Variants in EXD2 observed in about 807,000 individuals in gnomAD.
The protein encoded by EXD2 is exonuclease 3'-5' domain-containing protein 2.
EXD2 carries 40 observed loss-of-function variants against 62.5 expected under a neutral mutation model. The ratio of observed to expected loss-of-function variants is 0.64; its 90% CI spans 0.50 to 0.83. The LOEUF is 0.83. Ranked by LOEUF, EXD2 falls within the 40% of genes least tolerant of loss-of-function variation. The probability of loss-of-function intolerance (pLI) is 0.00; values close to 1 mark genes in which losing one functional copy is unlikely to be tolerated. For synonymous variants in EXD2, 239 were observed against 291.9 expected, an observed-to-expected ratio of 0.82 and a Z score of 1.85; for missense variants, 671 against 761.8, an observed-to-expected ratio of 0.88 and a Z score of 1.40.
chr14:69,223,264 A>G (rs2043247268), intron 3 of EXD2, among the ~76,000 whole-genome samples: 1 of 152,140 alleles, frequency 6.6e-6, no homozygotes, highest in African/African-American at 2.4e-5. Context: ...TTTCATATTC[A>G]CCTGCCTACT....
At chr14:69,225,270 A>G (rs970755850) in intron 3 of EXD2, among the ~76,000 whole-genome samples, 4 of 152,236 alleles carry the variant, frequency 2.6e-5, no homozygotes, top group Admixed American at 1.3e-4. Flanking sequence ...TACTCTCTGT[A>G]GCCTTCATGA....
chr14:69,211,760 A>AC (rs1210610875), intron 3 of EXD2, among the ~76,000 whole-genome samples: 3 of 152,164 alleles, frequency 2.0e-5, no homozygotes, highest in African/African-American at 7.2e-5. Context: ...AGGAAAATTC[A>AC]CCTGTGCCAA....
intron 3 of EXD2, among the ~76,000 whole-genome samples, chr14:69,220,364 G>A (rs1245537799): frequency 4.5e-5 from 6 of 132,418 alleles, no homozygotes; most frequent in Admixed American, 2.7e-4. Context: ...TCCACCTCCC[G>A]GGTTCACGCC....
intron 1 of EXD2, among the ~76,000 whole-genome samples, chr14:69,195,403 C>T (rs539260508): frequency 2.6e-5 from 4 of 151,984 alleles, no homozygotes; most frequent in Non-Finnish European, 5.9e-5. Context: ...CACCATGCTG[C>T]GCAGGCTGGT....
Position 69,228,177 on chromosome 14 carries a change from T to C in EXD2, c.334-639T>C, listed in dbSNP as rs887467261. 8.1e-5 allele frequency among the ~76,000 whole-genome samples: 12 copies of C among 147,290 alleles called. No individual in the cohort carries two copies. The East Asian group carries it at 2.1e-3, about 25-fold the overall frequency. ...TCTCACTCTACTCCTGGGCCTTTTT[T>C]CCTTAGCCTTTTTTTTTTTTTTTTT... On this transcript the variant is annotated intron_variant, in intron 3 of 9. Transcript: ENST00000685843.
intron 9 of EXD2, among the ~76,000 whole-genome samples, chr14:69,239,894 G>A (rs1391785184): frequency 6.6e-6 from 1 of 152,254 alleles, no homozygotes; most frequent in East Asian, 1.9e-4. Flanking sequence ...GAGCCACCAC[G>A]CCCAGCTGCC....
At chr14:69,227,723 A>G (rs559539978) in intron 3 of EXD2, among the ~76,000 whole-genome samples, 2 of 152,118 alleles carry the variant, frequency 1.3e-5, no homozygotes, top group Admixed American at 6.5e-5. Flanking sequence ...AACCCCAGCT[A>G]CTCGGGAGGC....
chr14:69,236,648 C>A, intron 8 of EXD2, 106 bp downstream of exon 8: 1 of 1,456,834 alleles, frequency 6.9e-7, no homozygotes, highest in Non-Finnish European at 9.5e-7. Flanking sequence ...TCCACTTTGG[C>A]TGAGAGGCTT....
rs565273312 is a variant in EXD2 at position 69,238,208 on chromosome 14, C to T, written c.1649+277C>T. Among the ~76,000 whole-genome samples, 6 of 152,242 alleles carry T rather than the reference C, an allele frequency of 3.9e-5. No individual in the cohort carries two copies. The South Asian group carries it at 6.2e-4, about 16-fold the overall frequency. ...TTCGGTCATTTTTGTGATTAGCGTG[C>T]GAGTGCAGTTGTGGTGGAGCTGCAT... On this transcript the variant is annotated intron_variant, in intron 9 of 9. Coordinates refer to ENST00000685843, the MANE Select transcript of EXD2 (RefSeq NM_001193360.2).
chr14:69,202,573 C>T (rs1304887752), intron 1 of EXD2, among the ~76,000 whole-genome samples: 1 of 151,974 alleles, frequency 6.6e-6, no homozygotes, highest in Non-Finnish European at 1.5e-5. Context: ...CGGGGTCTAT[C>T]AGTGTCTGAC....
At position 69,241,126 on chromosome 14, in the gene EXD2, A is replaced by G. The variant is rs1453312305; in HGVS notation, c.*26A>G. ...TAGCTGCTTTCCTCCCAGTTAGGAC[A>G]AGTGGGAAGCTGGAGCCAAGGTTGA... is the stretch of plus-strand genomic sequence containing the variant. On this transcript the variant is annotated 3_prime_UTR_variant, in exon 10 of 10. Transcript: ENST00000685843. 6.2e-7 allele frequency: 1 copy of G among 1,602,250 alleles called. No individual in the cohort carries two copies. The highest frequency in any genetic ancestry group is 1.7e-5 in the Admixed American group (1 of 59,640).
At chr14:69,199,472 T>A (rs1338568816) in intron 1 of EXD2, among the ~76,000 whole-genome samples, 1 of 152,232 alleles carries the variant, frequency 6.6e-6, no homozygotes, top group East Asian at 1.9e-4. Context: ...TACTATAACT[T>A]TTTTATTTTA....
At chr14:69,198,116 T>A (rs1014810458) in intron 1 of EXD2, among the ~76,000 whole-genome samples, 4 of 152,212 alleles carry the variant, frequency 2.6e-5, no homozygotes, top group Non-Finnish European at 4.4e-5. Context: ...GATTATGTGG[T>A]TTTTTTATGT....
At chr14:69,223,146 C>T (rs1188200795) in intron 3 of EXD2, among the ~76,000 whole-genome samples, 1 of 152,098 alleles carries the variant, frequency 6.6e-6, no homozygotes, top group African/African-American at 2.4e-5. Context: ...ATCCGTGGGC[C>T]ACTAATTTAT....
chr14:69,243,598 CAAT>C lies in EXD2; in HGVS notation c.*2499_*2501del, dbSNP rs1366390584. 1 of 152,176 alleles carries C rather than the reference CAAT, an allele frequency of 6.6e-6. No homozygotes were observed. Among genetic ancestry groups the C allele is most frequent in the Non-Finnish European group, 1.5e-5 (1 of 68,032 alleles). The allele number at this position is 152,176 out of a possible 1,614,324, so 9.4% of individuals were successfully genotyped here. A position where few individuals can be genotyped will look rare whatever the true frequency, so the allele number is the denominator to read the frequency against. The stretch of plus-strand genomic sequence containing the variant: ...TGGTTGTTTCAGATACTTTTATTAT[CAAT>C]GATGATGTGATAAAGTTTCTTGTAT... On this transcript the variant is annotated 3_prime_UTR_variant, in exon 10 of 10. Transcript: ENST00000685843.
At chr14:69,213,084 C>CTTTTTTTTTTT (rs71102636) in intron 3 of EXD2, among the ~76,000 whole-genome samples, 4 of 126,604 alleles carry the variant, frequency 3.2e-5, no homozygotes, top group Non-Finnish European at 4.9e-5. Flanking sequence ...TTCTTCTTTT[C>CTTTTTTTTTTT]TTTTTTTTTT....
intron 3 of EXD2, among the ~76,000 whole-genome samples, chr14:69,211,583 T>C (rs2140241667): frequency 6.6e-6 from 1 of 151,622 alleles, no homozygotes; most frequent in East Asian, 1.9e-4. Flanking sequence ...TGAGGGTGTT[T>C]CTTTATATCA....
Position 69,236,045 on chromosome 14 carries a change from GAAA to G in EXD2, c.1051_1053del (p.Lys351del). 6.2e-7 allele frequency: 1 copy of G among 1,613,020 alleles called. No homozygotes were observed. Among genetic ancestry groups the G allele is most frequent in the South Asian group, 1.1e-5 (1 of 91,054 alleles). The stretch of plus-strand genomic sequence containing the variant: ...GAGATTTCTCTTTCCTTTCCCTGCA[GAAA>G]ATCACCTCTTTATGATAACTGCTTT... On this transcript the variant is annotated inframe_deletion and splice_region_variant, in exon 7 of 10. Coordinates refer to ENST00000685843, the MANE Select transcript of EXD2 (RefSeq NM_001193360.2).
chr14:69,223,183 T>C (rs992051860), intron 3 of EXD2, among the ~76,000 whole-genome samples: 1 of 152,238 alleles, frequency 6.6e-6, no homozygotes, highest in African/African-American at 2.4e-5. Context: ...TCTTTTCCTG[T>C]ATTCCCATCT....
Sources: gnomAD v4.1 joint callset for allele counts (sites outside exome capture counted in the v4.1 genomes callset) on GRCh38, gnomAD v4.1.1 for gene constraint, MANE v1.5 for transcripts, NCBI Gene and HGNC (gene_info 2026-07-23, HGNC 2026-07-21) for gene names.